BCAR3: variants seen among roughly 807,000 people sequenced by gnomAD.
The protein encoded by BCAR3 is BCAR3 adaptor protein, NSP family member.
BCAR3 carries 37 observed loss-of-function variants against 80.1 expected under a neutral mutation model. The observed-to-expected ratio is 0.46, with a 90% CI of 0.36 to 0.61. The LOEUF (loss-of-function observed/expected upper bound fraction) is 0.61, where lower values mean the gene tolerates loss of function less well. BCAR3 is among the 20% of genes least tolerant of loss of function. BCAR3 has a pLI of 0.00. For synonymous variants in BCAR3, 389 were observed against 418.9 expected (o/e 0.93, Z 0.87); for missense variants, 978 against 1,068.2 (o/e 0.92, Z 1.18).
At chr1:93,748,389 C>T (rs557580916) in intron 2 of BCAR3, among the ~76,000 whole-genome samples, 1 of 152,312 alleles carries the variant, frequency 6.6e-6, no homozygotes, top group East Asian at 1.9e-4. Flanking sequence ...TCCTTTCCTT[C>T]ACCTAACTTG....
rs1648406273 is a variant in BCAR3 at position 93,674,987 on chromosome 1, C to T, written c.-11-46G>A. The T allele has an allele frequency of 2.1e-6, 3 of 1,413,450 alleles. No individual in the cohort carries two copies. In the South Asian group the frequency reaches 4.4e-5, roughly 21 times the overall value. The allele number at this position is 1,413,450 out of a possible 1,614,324, so 87.6% of individuals were successfully genotyped here. On this transcript the variant is annotated intron_variant, in intron 1 of 11. Transcript: ENST00000260502. ...TGAAGGTATAAATCTATGAGAGTCA[C>T]AAGAACTGACTTCCTACTTACAAAA...
intron 8 of BCAR3, among the ~76,000 whole-genome samples, chr1:93,573,609 T>TTTTTATTA (rs760911546): frequency 1.8e-4 from 26 of 142,812 alleles, no homozygotes; most frequent in African/African-American, 6.7e-4. Flanking sequence ...AAAATATATT[T>TTTTTATTA]TTATTATTAT....
intron 3 of BCAR3, among the ~76,000 whole-genome samples, chr1:93,701,373 G>A (rs560400692): frequency 5.3e-5 from 8 of 152,282 alleles, no homozygotes; most frequent in South Asian, 2.1e-4. Context: ...GCCACCCCAC[G>A]TGTCTTCCAT....
rs62001028 is a variant in BCAR3, at chr1:93,589,086, G to A, written c.820C>T (p.Arg274Trp). 851 of 1,612,482 alleles carry A rather than the reference G, an allele frequency of 5.3e-4. 1 individual carries two copies. In the African/African-American group the frequency reaches 9.3e-3, roughly 18 times the overall value. The change falls in exon 5 of 12, where the codon CGG becomes TGG. Residue 274 changes from arginine to tryptophan, a missense_variant. Physicochemically the swap from Arg to Trp is moderately radical, Grantham distance 101. Transcript: ENST00000260502. ...EHYGTSPGQA[R>W]EGSLTKGRPD... ...CTTCCCTTGGTGAGGCTGCCCTCCC[G>A]GGCCTGGCCTGGGGAGGTGCCATAA...
At chr1:93,591,093 A>G (rs1279878369) in intron 4 of BCAR3, among the ~76,000 whole-genome samples, 1 of 151,544 alleles carries the variant, frequency 6.6e-6, no homozygotes, top group Non-Finnish European at 1.5e-5. Flanking sequence ...TGTTTTCTAC[A>G]ATCAATTTTA....
At chr1:93,709,210 T>C (rs1649932098) in intron 2 of BCAR3, among the ~76,000 whole-genome samples, 1 of 152,190 alleles carries the variant, frequency 6.6e-6, no homozygotes, top group Admixed American at 6.5e-5. Context: ...CAGAGCAGCG[T>C]GCTCATGACT....
intron 3 of BCAR3, among the ~76,000 whole-genome samples, chr1:93,625,582 T>C (rs1675434254): frequency 6.6e-6 from 1 of 152,190 alleles, no homozygotes; most frequent in African/African-American, 2.4e-5. Flanking sequence ...ATGGGGGCTT[T>C]ATATAGTAAG....
At chr1:93,838,779 G>T (rs145577776) in intron 2 of BCAR3, among the ~76,000 whole-genome samples, 1 of 152,052 alleles carries the variant, frequency 6.6e-6, no homozygotes, top group Non-Finnish European at 1.5e-5. Flanking sequence ...AATTTCAGCC[G>T]GTGTATTTGC....
chr1:93,839,264 G>A (rs929908114), intron 2 of BCAR3, among the ~76,000 whole-genome samples: 2 of 152,078 alleles, frequency 1.3e-5, no homozygotes, highest in Admixed American at 6.5e-5. Flanking sequence ...TCCAGCCTGG[G>A]CAAAAAGAGT....
intron 2 of BCAR3, among the ~76,000 whole-genome samples, chr1:93,647,270 C>CAGA (rs550472665): frequency 4.7e-4 from 72 of 152,308 alleles, no homozygotes; most frequent in African/African-American, 1.6e-3. Flanking sequence ...GCCCCTCCCA[C>CAGA]AGAATCATAG....
chr1:93,585,165 A>G, intron 5 of BCAR3: 1 of 985,470 alleles, frequency 1.0e-6, no homozygotes, highest in Non-Finnish European at 1.2e-6. Flanking sequence ...TGTGGAATGC[A>G]ACCTGCCTGT....
At chr1:93,573,964 C>T (rs1196999995) in intron 8 of BCAR3, among the ~76,000 whole-genome samples, 1 of 152,160 alleles carries the variant, frequency 6.6e-6, no homozygotes, top group Non-Finnish European at 1.5e-5. Flanking sequence ...TTTTCTTATC[C>T]ATTTGCAAAA....
rs942330800 is a variant in BCAR3, at chr1:93,758,633, G to A, written c.-62-52491C>T. 1.8e-4 allele frequency among the ~76,000 whole-genome samples: 27 copies of A among 152,352 alleles called. No individual in the cohort carries two copies. The East Asian group carries it at 4.6e-3, about 26-fold the overall frequency. ...ATTTTTAAAGCATAGCAGACTCATA[G>A]GCACTGGGTGAGGAGAATAGCTGAG... On this transcript the variant is annotated intron_variant, in intron 2 of 13. Transcript: ENST00000370244.
At chr1:93,677,499 G>A (rs917993335) in intron 1 of BCAR3, among the ~76,000 whole-genome samples, 3 of 152,204 alleles carry the variant, frequency 2.0e-5, no homozygotes, top group African/African-American at 7.2e-5. Context: ...GACTCTGGTT[G>A]TTCTGGAGGG....
At chr1:93,652,256 C>G (rs1676348792) in intron 2 of BCAR3, among the ~76,000 whole-genome samples, 1 of 152,124 alleles carries the variant, frequency 6.6e-6, no homozygotes, top group Non-Finnish European at 1.5e-5. Flanking sequence ...ATTCTCCTCA[C>G]CCTTTTTAGA....
In BCAR3 at chr1:93,589,087, G is replaced by A. The variant is rs1674064837; in HGVS notation, c.819C>T (p.Ala273=). Reference sequence around the variant, plus strand: ...TTCCCTTGGTGAGGCTGCCCTCCCGGGCCTGGCCTGGGGAGGTGCCATAAT... The same window carrying A: ...TTCCCTTGGTGAGGCTGCCCTCCCGAGCCTGGCCTGGGGAGGTGCCATAAT... The part of the protein sequence containing the change: ...EEHYGTSPGQ[A]REGSLTKGRP... Residue 273 remains alanine (A), a synonymous_variant, in exon 5 of 12, where the codon GCC becomes GCT. Coordinates refer to ENST00000260502, the MANE Select transcript of BCAR3 (RefSeq NM_003567.4). 8 of 1,612,572 alleles carry A rather than the reference G, an allele frequency of 5.0e-6. No homozygotes were observed. The East Asian group carries it at 1.8e-4, about 36-fold the overall frequency.
upstream of BCAR3, among the ~76,000 whole-genome samples, chr1:93,683,942 T>A (rs548217483): frequency 1.3e-5 from 2 of 152,330 alleles, no homozygotes; most frequent in African/African-American, 4.8e-5. Flanking sequence ...AAATTTTTTT[T>A]AATTGTACTG....
intron 2 of BCAR3, among the ~76,000 whole-genome samples, chr1:93,720,030 T>TGG (rs1650338314): frequency 3.9e-5 from 6 of 152,164 alleles, no homozygotes; most frequent in African/African-American, 1.2e-4. Flanking sequence ...TGGGCACTGG[T>TGG]ATGTTGTAGA....
intron 4 of BCAR3, 46 bp from the exon 5 acceptor site, chr1:93,589,465 A>C (rs1171533207): frequency 5.3e-6 from 8 of 1,510,616 alleles, no homozygotes; most frequent in Non-Finnish European, 6.3e-6. Flanking sequence ...GCAAATTCAC[A>C]TTCCTTCTAA....
Sources: gnomAD v4.1 joint callset for allele counts (sites outside exome capture counted in the v4.1 genomes callset) on GRCh38, gnomAD v4.1.1 for gene constraint, MANE v1.5 for transcripts, NCBI Gene and HGNC (gene_info 2026-07-23, HGNC 2026-07-21) for gene names.